Variants in AGFG1 observed in about 807,000 individuals in gnomAD.
The protein encoded by AGFG1 is arf-GAP domain and FG repeat-containing protein 1.
Under a neutral mutation model 60.6 loss-of-function variants are expected in AGFG1, and 10 were observed. The ratio of observed to expected loss-of-function variants is 0.16; its 90% CI spans 0.10 to 0.28. The LOEUF (loss-of-function observed/expected upper bound fraction) is 0.28. AGFG1 is among the 10% of genes least tolerant of loss of function. AGFG1 has a pLI of 1.00. For missense variants in AGFG1, 537 were observed against 676.5 expected (o/e 0.79, Z 2.29); for synonymous variants, 247 against 242.9 (o/e 1.02, Z -0.16).
intron 5 of AGFG1, among the ~76,000 whole-genome samples, chr2:227,526,840 G>A (rs918865422): frequency 4.6e-5 from 7 of 152,016 alleles, no homozygotes; most frequent in Admixed American, 1.3e-4. Flanking sequence ...CACTCTGCCC[G>A]GCCCTAAAGA....
intron 6 of AGFG1, among the ~76,000 whole-genome samples, chr2:227,532,824 A>G (rs991696064): frequency 3.3e-5 from 5 of 152,186 alleles, no homozygotes; most frequent in African/African-American, 9.6e-5. Context: ...GGAGGTCTCT[A>G]TAATAGAGAA....
chr2:227,487,750 TG>T (rs35995913), intron 1 of AGFG1, among the ~76,000 whole-genome samples: 1 of 152,030 alleles, frequency 6.6e-6, no homozygotes, highest in African/African-American at 2.4e-5. Flanking sequence ...GGGTGGGGTG[TG>T]GGTGGTATAG....
chr2:227,532,177 T>G lies in AGFG1; in HGVS notation c.814+967T>G, dbSNP rs1692182792. On this transcript the variant is annotated intron_variant, in intron 6 of 12. Transcript: ENST00000310078. ...TCATCTAGCTGCAGTTTTGGTGAAT[T>G]TACTTCAGCTTTTCCTCTTCAGGCT... 3.9e-6 allele frequency: 6 copies of G among 1,549,348 alleles called. No homozygotes were observed. In the East Asian group the frequency reaches 1.5e-4, roughly 38 times the overall value.
intron 3 of AGFG1, among the ~76,000 whole-genome samples, chr2:227,523,185 C>G (rs1384138121): frequency 6.6e-6 from 1 of 152,184 alleles, no homozygotes; most frequent in Admixed American, 6.5e-5. Context: ...TCACACTTAG[C>G]TCATAGGTGA....
At chr2:227,530,729 G>A (rs1363749069) in intron 5 of AGFG1, among the ~76,000 whole-genome samples, 5 of 151,824 alleles carry the variant, frequency 3.3e-5, no homozygotes, top group African/African-American at 1.2e-4. Context: ...ATTTTTCCAG[G>A]ATGTTTTCTA....
chr2:227,553,099 C>T (rs1692870329), intron 11 of AGFG1, among the ~76,000 whole-genome samples: 1 of 150,942 alleles, frequency 6.6e-6, no homozygotes, highest in African/African-American at 2.4e-5. Flanking sequence ...ACATAGAAAT[C>T]ATTGTGTTGT....
intron 2 of AGFG1, among the ~76,000 whole-genome samples, chr2:227,501,091 G>A (rs1364097793): frequency 6.6e-6 from 1 of 151,518 alleles, no homozygotes; most frequent in East Asian, 1.9e-4. Context: ...ACCGTGCCCA[G>A]CCTAATTTTT....
At chr2:227,553,417 G>T (rs1266893113) in intron 11 of AGFG1, among the ~76,000 whole-genome samples, 2 of 150,202 alleles carry the variant, frequency 1.3e-5, no homozygotes, top group African/African-American at 4.9e-5. Context: ...GATCACCTGA[G>T]CCCTGGAGGT....
chr2:227,491,842 T>C (rs1690829123), intron 2 of AGFG1, among the ~76,000 whole-genome samples: 1 of 152,222 alleles, frequency 6.6e-6, no homozygotes, highest in Non-Finnish European at 1.5e-5. Flanking sequence ...TTACCGTAAA[T>C]CTGAGGTGAA....
chr2:227,509,298 C>T (rs1032638559), intron 2 of AGFG1, among the ~76,000 whole-genome samples: 1 of 152,054 alleles, frequency 6.6e-6, no homozygotes, highest in African/African-American at 2.4e-5. Context: ...AGAGACATAC[C>T]ACCAAACAGC....
At chr2:227,513,236 A>G (rs77678640) in intron 2 of AGFG1, among the ~76,000 whole-genome samples, 3,457 of 152,232 alleles carry the variant, frequency 0.023, 59 homozygotes, top group Middle Eastern at 0.048. Context: ...AGCCCTGTAT[A>G]TATTTATTAT....
chr2:227,558,469 A>G lies in AGFG1; in HGVS notation c.*3974A>G, dbSNP rs956601932. The G allele has an allele frequency of 2.0e-5, 3 of 152,234 alleles. No individual in the cohort carries two copies. Among genetic ancestry groups the G allele is most frequent in the South Asian group, 4.1e-4 (2 of 4,830 alleles). The allele number at this position is 152,234 out of a possible 1,614,324, so 9.4% of individuals were successfully genotyped here. A position where few individuals can be genotyped will look rare whatever the true frequency, so the allele number is the denominator to read the frequency against. ...TGCTTTAGATTGAAGACTCATCTGAAGTATCACAGACTCCTATTTTGTAAA... is the reference window on the plus strand; with the variant it reads ...TGCTTTAGATTGAAGACTCATCTGAGGTATCACAGACTCCTATTTTGTAAA... On this transcript the variant is annotated 3_prime_UTR_variant, in exon 13 of 13. Coordinates refer to ENST00000310078, the MANE Select transcript of AGFG1 (RefSeq NM_004504.5).
chr2:227,541,476 G>A (rs1424669420), intron 10 of AGFG1, among the ~76,000 whole-genome samples: 4 of 152,104 alleles, frequency 2.6e-5, no homozygotes, highest in Admixed American at 1.3e-4. Flanking sequence ...TCTTGTTTTT[G>A]TCAGGTTTGT....
chr2:227,536,793 G>C, intron 9 of AGFG1, 89 bp downstream of exon 9: 1 of 1,553,044 alleles, frequency 6.4e-7, no homozygotes, highest in Non-Finnish European at 8.8e-7. Flanking sequence ...GCAATGATTT[G>C]TTATCAGAAT....
intron 2 of AGFG1, among the ~76,000 whole-genome samples, chr2:227,494,844 G>A (rs1319548417): frequency 6.6e-6 from 1 of 152,196 alleles, no homozygotes; most frequent in Non-Finnish European, 1.5e-5. Context: ...CCAAGTTACA[G>A]GGCAAAGGGC....
At chr2:227,490,872 G>A (rs971959558) in intron 1 of AGFG1, among the ~76,000 whole-genome samples, 2 of 152,154 alleles carry the variant, frequency 1.3e-5, no homozygotes, top group Middle Eastern at 3.2e-3. Context: ...AAAGGCTTCA[G>A]GGTTCTAAAG....
intron 2 of AGFG1, among the ~76,000 whole-genome samples, chr2:227,507,959 T>C (rs2106190879): frequency 6.6e-6 from 1 of 152,260 alleles, no homozygotes; most frequent in South Asian, 2.1e-4. Context: ...TTAAAACTTC[T>C]GCAAATCTTG....
intron 10 of AGFG1, among the ~76,000 whole-genome samples, chr2:227,539,159 C>G (rs1463396324): frequency 6.6e-6 from 1 of 152,004 alleles, no homozygotes; most frequent in African/African-American, 2.4e-5. Flanking sequence ...TACATTAACA[C>G]TGGCCAGGCA....
chr2:227,536,569 G>A (rs1285687985), intron 8 of AGFG1, 56 bp from the exon 9 acceptor site: 53 of 1,471,550 alleles, frequency 3.6e-5, no homozygotes, highest in Non-Finnish European at 4.6e-5. Context: ...CCTGTAAATC[G>A]TTACTTTCTT....
Sources: allele counts gnomAD v4.1 joint callset (sites outside exome capture counted in the v4.1 genomes callset), GRCh38; gene constraint gnomAD v4.1.1; transcripts MANE v1.5; gene names NCBI Gene and HGNC (gene_info 2026-07-23, HGNC 2026-07-21).